Variants in TTC39C observed in about 807,000 individuals in gnomAD.
TTC39C encodes tetratricopeptide repeat domain 39C.
Under a neutral mutation model 76.3 loss-of-function variants are expected in TTC39C, and 33 were observed. The observed-to-expected ratio is 0.43, with a 90% CI of 0.33 to 0.58. The LOEUF (loss-of-function observed/expected upper bound fraction) is 0.58, where lower values mean the gene tolerates loss of function less well. Ranked by LOEUF, TTC39C falls within the 20% of genes least tolerant of loss-of-function variation. TTC39C has a pLI of 0.04. For missense variants in TTC39C, 595 were observed against 701.4 expected (o/e 0.85, Z 1.71); for synonymous variants, 254 against 260.6 (o/e 0.97, Z 0.24).
chr18:24,101,266 G>T (rs1380077397), intron 6 of TTC39C, among the ~76,000 whole-genome samples: 1 of 148,684 alleles, frequency 6.7e-6, no homozygotes, highest in Non-Finnish European at 1.5e-5. Flanking sequence ...AACTACCTGG[G>T]ATTATTTCTG....
intron 1 of TTC39C, among the ~76,000 whole-genome samples, chr18:24,060,851 G>A (rs2084090217): frequency 6.6e-6 from 1 of 152,054 alleles, no homozygotes; most frequent in Non-Finnish European, 1.5e-5. Flanking sequence ...TTTTCTTTTG[G>A]CCACATTTTG....
At chr18:24,131,663 G>A (rs576871895) in intron 12 of TTC39C, among the ~76,000 whole-genome samples, 3 of 149,432 alleles carry the variant, frequency 2.0e-5, no homozygotes, top group Non-Finnish European at 3.0e-5. Context: ...CCAAGATCAT[G>A]CCACTGCACA....
At chr18:24,044,932 T>C (rs1184103006) in intron 1 of TTC39C, among the ~76,000 whole-genome samples, 1 of 152,102 alleles carries the variant, frequency 6.6e-6, no homozygotes, top group Non-Finnish European at 1.5e-5. Context: ...AAGTGTGCTT[T>C]GGAGACCATT....
At chr18:24,109,752 C>G (rs1210854375) in intron 6 of TTC39C, among the ~76,000 whole-genome samples, 31 of 152,072 alleles carry the variant, frequency 2.0e-4, no homozygotes, top group Admixed American at 2.0e-3. Flanking sequence ...TGTCTGTAAT[C>G]CCAGCACTTT....
At chr18:24,118,945 A>C (rs1461870390) in intron 8 of TTC39C, among the ~76,000 whole-genome samples, 1 of 152,166 alleles carries the variant, frequency 6.6e-6, no homozygotes, top group African/African-American at 2.4e-5. Context: ...CATGAGCCTC[A>C]GAGCCTGATC....
Position 24,014,891 on chromosome 18 carries a change from A to G in TTC39C, c.20A>G (p.Gln7Arg). 1 of 1,482,014 alleles carries G rather than the reference A, an allele frequency of 6.7e-7. No individual in the cohort carries two copies. Among genetic ancestry groups the G allele is most frequent in the Non-Finnish European group, 9.0e-7 (1 of 1,117,168 alleles). The allele number at this position is 1,482,014 out of a possible 1,614,324, so 91.8% of individuals were successfully genotyped here. Residue 7 changes from glutamine to arginine, a missense_variant, in exon 1 of 14, where the codon CAG becomes CGG. Coordinates refer to ENST00000317571, the MANE Select transcript of TTC39C (RefSeq NM_001135993.2). MAGSEQ[Q>R]RPRRRDDGDS... ...ACGCCCATGGCCGGCTCGGAGCAGC[A>G]GCGGCCGCGGCGGCGGGACGACGGA...
At chr18:24,076,410 C>A (rs930612841) in intron 4 of TTC39C, among the ~76,000 whole-genome samples, 2 of 152,020 alleles carry the variant, frequency 1.3e-5, no homozygotes, top group African/African-American at 2.4e-5. Context: ...TCTTAAATAG[C>A]GTGTTCTCTG....
At chr18:24,037,487 A>G (rs2083745830) in intron 1 of TTC39C, among the ~76,000 whole-genome samples, 1 of 152,114 alleles carries the variant, frequency 6.6e-6, no homozygotes, top group Non-Finnish European at 1.5e-5. Flanking sequence ...TGTGCTATTT[A>G]TCCCCCATTC....
In TTC39C at chr18:24,082,951, T is replaced by G; in HGVS notation, c.854T>G (p.Phe285Cys). 6.2e-7 allele frequency: 1 copy of G among 1,613,998 alleles called. No individual in the cohort carries two copies. Among genetic ancestry groups the G allele is most frequent in the Admixed American group, 1.7e-5 (1 of 60,008 alleles). ...TGGTATCATACTGTAGTCCGCCCGT[T>G]TTTTGCCTTGGATGGCAGTGATAAC... is the stretch of plus-strand genomic sequence containing the variant. ...LLWYHTVVRP[F>C]FALDGSDNKA... The change falls in exon 6 of 14, where the codon TTT becomes TGT. Residue 285 changes from phenylalanine (F) to cysteine (C), a missense_variant. Physicochemically the swap from Phe to Cys is radical, Grantham distance 205 (BLOSUM62 -2). Transcript: ENST00000317571.
chr18:24,043,222 G>A (rs2083819598), intron 1 of TTC39C, among the ~76,000 whole-genome samples: 1 of 152,194 alleles, frequency 6.6e-6, no homozygotes, highest in Admixed American at 6.5e-5. Flanking sequence ...TGAGCTGGGT[G>A]TGGTGGGTAT....
intron 2 of TTC39C, among the ~76,000 whole-genome samples, chr18:24,065,594 A>G (rs1027097626): frequency 4.6e-5 from 7 of 152,244 alleles, no homozygotes; most frequent in African/African-American, 1.7e-4. Flanking sequence ...GTGTACCTAC[A>G]AGCTGTTGTT....
chr18:23,997,665 A>AGAAAGAAGGAAAGAAAGAAAGAAAGAAG (rs747631956), intron 1 of TTC39C, among the ~76,000 whole-genome samples: 2 of 118,590 alleles, frequency 1.7e-5, no homozygotes, highest in African/African-American at 3.2e-5. Context: ...AAAGAAAGAA[A>AGAAAGAAGGAAAGAAAGAAAGAAAGAAG]GAAAGAAAGA....
intron 6 of TTC39C, among the ~76,000 whole-genome samples, chr18:24,106,139 T>A (rs919103619): frequency 6.6e-6 from 1 of 152,154 alleles, no homozygotes; most frequent in Non-Finnish European, 1.5e-5. Flanking sequence ...TAAGGTCACA[T>A]TCTGATGTAG....
At chr18:24,009,839 G>A (rs1227517231), upstream of TTC39C, among the ~76,000 whole-genome samples, 1 of 152,242 alleles carries the variant, frequency 6.6e-6, no homozygotes, top group Non-Finnish European at 1.5e-5. Context: ...TTATGAAAAG[G>A]CAGGTGAGGA....
At chr18:24,051,220 A>G (rs897283881) in intron 1 of TTC39C, among the ~76,000 whole-genome samples, 1 of 152,140 alleles carries the variant, frequency 6.6e-6, no homozygotes, top group African/African-American at 2.4e-5. Flanking sequence ...AAGTCTTCCC[A>G]TCCCCTGCCT....
chr18:24,076,550 G>A (rs2084310223), intron 4 of TTC39C, among the ~76,000 whole-genome samples: 2 of 152,092 alleles, frequency 1.3e-5, no homozygotes, highest in South Asian at 4.2e-4. Flanking sequence ...GCCTCCTCCT[G>A]CTTGGCCTGG....
intron 6 of TTC39C, among the ~76,000 whole-genome samples, chr18:24,102,589 G>T (rs976516833): frequency 6.6e-6 from 1 of 152,156 alleles, no homozygotes; most frequent in Non-Finnish European, 1.5e-5. Flanking sequence ...GCTGTGGGGC[G>T]GGGAGGTCCA....
intron 4 of TTC39C, among the ~76,000 whole-genome samples, chr18:24,071,381 A>G (rs1361733787): frequency 3.3e-5 from 5 of 152,228 alleles, no homozygotes; most frequent in African/African-American, 1.2e-4. Context: ...ATTATCAGAT[A>G]ATAGTATTTA....
chr18:24,111,762 C>T (rs1017474058), intron 6 of TTC39C, among the ~76,000 whole-genome samples: 1 of 151,720 alleles, frequency 6.6e-6, no homozygotes, highest in African/African-American at 2.4e-5. Flanking sequence ...CTTAGCCAGA[C>T]ACAGCAGTGC....
Sources: gnomAD v4.1 joint callset for allele counts (sites outside exome capture counted in the v4.1 genomes callset) on GRCh38, gnomAD v4.1.1 for gene constraint, MANE v1.5 for transcripts, NCBI Gene and HGNC (gene_info 2026-07-23, HGNC 2026-07-21) for gene names.